SLC35F4: variants seen among roughly 807,000 people sequenced by gnomAD.
The protein encoded by SLC35F4 is chromosome 14 open reading frame 36.
In SLC35F4, 24 loss-of-function variants were observed where a neutral mutation model predicts 44.2. The ratio of observed to expected loss-of-function variants is 0.54; its 90% CI spans 0.39 to 0.76. SLC35F4 has a LOEUF of 0.76. SLC35F4 is among the 30% of genes least tolerant of loss of function. The pLI, the probability that SLC35F4 is intolerant of heterozygous loss-of-function variation, is 0.00. For synonymous variants in SLC35F4, 238 were observed against 223.6 expected (o/e 1.06, Z -0.57); for missense variants, 562 against 586.1 (o/e 0.96, Z 0.42).
At chr14:57,656,623 C>T (rs991233126) in intron 1 of SLC35F4, among the ~76,000 whole-genome samples, 1 of 152,090 alleles carries the variant, frequency 6.6e-6, no homozygotes, top group African/African-American at 2.4e-5. Context: ...AGCTCCACCT[C>T]TCACTAGCTA....
At chr14:57,631,745 T>G (rs2072787472) in intron 1 of SLC35F4, among the ~76,000 whole-genome samples, 2 of 152,152 alleles carry the variant, frequency 1.3e-5, no homozygotes, top group African/African-American at 4.8e-5. Flanking sequence ...AGTACCTGAC[T>G]AAAAATGAAG....
At chr14:57,901,871 C>T (rs557596167) in intron 1 of SLC35F4, among the ~76,000 whole-genome samples, 1 of 152,226 alleles carries the variant, frequency 6.6e-6, no homozygotes, top group South Asian at 2.1e-4. Flanking sequence ...TAACCCTAAG[C>T]CACCCAGCTG....
chr14:57,673,164 A>G (rs1041847135), intron 1 of SLC35F4, among the ~76,000 whole-genome samples: 2 of 152,140 alleles, frequency 1.3e-5, no homozygotes, highest in African/African-American at 4.8e-5. Flanking sequence ...TTTATGTAAG[A>G]CAAACCAATT....
rs577912025 is a variant in SLC35F4 at position 57,646,896 on chromosome 14, G to T, written c.104-52772C>A. Among the ~76,000 whole-genome samples the T allele has an allele frequency of 1.3e-4, 20 of 152,278 alleles. No homozygotes were observed. The East Asian group carries it at 3.9e-3, about 29-fold the overall frequency. ...CATTATGTACCCAGTAGTCATTCAG[G>T]AGCAGGTTGTTCAGTTTCCATGTAG... On this transcript the variant is annotated intron_variant, in intron 1 of 7. Coordinates refer to ENST00000556826, the MANE Select transcript of SLC35F4 (RefSeq NM_001306087.2).
intron 1 of SLC35F4, among the ~76,000 whole-genome samples, chr14:57,769,292 C>T (rs1182680876): frequency 6.6e-6 from 1 of 152,120 alleles, no homozygotes; most frequent in Non-Finnish European, 1.5e-5. Context: ...TGAGCACCCT[C>T]CTTTTCAAAA....
chr14:57,626,457 T>C (rs2072479795), intron 1 of SLC35F4, among the ~76,000 whole-genome samples: 1 of 152,158 alleles, frequency 6.6e-6, no homozygotes, highest in Non-Finnish European at 1.5e-5. Flanking sequence ...GTATGTGCTC[T>C]GATAGGAGCT....
chr14:57,569,956 T>C lies in SLC35F4; in HGVS notation c.958A>G (p.Ser320Gly). 6.2e-7 allele frequency: 1 copy of C among 1,608,348 alleles called. No individual in the cohort carries two copies. ...YKVLFKMFLG[S>G]ANFGEAAHFV... Reference sequence around the variant, plus strand: ...TGTGCAGCTTCCCCAAAGTTGGCACTTCCAAGAAACATTTTAAACAAGACC... The same window carrying C: ...TGTGCAGCTTCCCCAAAGTTGGCACCTCCAAGAAACATTTTAAACAAGACC... Residue 320 changes from serine (S) to glycine (G), a missense_variant, in exon 6 of 8, where the codon AGT becomes GGT. By Grantham distance (56) the Ser-to-Gly change is moderately conservative. Coordinates refer to ENST00000556826, the MANE Select transcript of SLC35F4 (RefSeq NM_001306087.2).
intron 1 of SLC35F4, among the ~76,000 whole-genome samples, chr14:57,651,622 C>T (rs1437437990): frequency 1.3e-5 from 2 of 152,082 alleles, no homozygotes; most frequent in Non-Finnish European, 2.9e-5. Context: ...CAGTGGCCCT[C>T]CTAGAGACAG....
At chr14:57,584,433 G>A (rs1010887799) in intron 3 of SLC35F4, among the ~76,000 whole-genome samples, 2 of 152,062 alleles carry the variant, frequency 1.3e-5, no homozygotes, top group South Asian at 2.1e-4. Context: ...TGAGAGCTTC[G>A]GGAGTAACTT....
chr14:57,603,227 A>T (rs138906274), intron 1 of SLC35F4, among the ~76,000 whole-genome samples: 3,695 of 152,360 alleles, frequency 0.024, 74 homozygotes, highest in Middle Eastern at 0.054. Context: ...TGTGTGTGAT[A>T]GTCCTGATCT....
chr14:57,974,372 T>C (rs1007514767), downstream of SLC35F4, among the ~76,000 whole-genome samples: 1 of 152,170 alleles, frequency 6.6e-6, no homozygotes. Flanking sequence ...GAGCAACACA[T>C]TGACCACATT....
chr14:57,640,304 T>G (rs1417845502), intron 1 of SLC35F4, among the ~76,000 whole-genome samples: 1 of 152,014 alleles, frequency 6.6e-6, no homozygotes, highest in Admixed American at 6.6e-5. Flanking sequence ...TCCATTTCTA[T>G]CTATCTAATT....
At chr14:57,824,690 A>G (rs1883538059) in intron 1 of SLC35F4, among the ~76,000 whole-genome samples, 1 of 152,162 alleles carries the variant, frequency 6.6e-6, no homozygotes, top group African/African-American at 2.4e-5. Flanking sequence ...GGAAACACCT[A>G]TTGCAAAGGT....
chr14:57,924,589 G>A (rs1889513558), intron 1 of SLC35F4, among the ~76,000 whole-genome samples: 2 of 151,808 alleles, frequency 1.3e-5, no homozygotes, highest in Admixed American at 1.3e-4. Flanking sequence ...GCTGGGACTA[G>A]AGGTGCCTGC....
At chr14:57,630,568 T>C in intron 1 of SLC35F4, 2 of 1,033,736 alleles carry the variant, frequency 1.9e-6, no homozygotes, top group Non-Finnish European at 1.5e-6. Context: ...GCTCAAGATA[T>C]GAAAAGGAAT....
At chr14:57,885,467 T>C (rs868135251) in intron 1 of SLC35F4, among the ~76,000 whole-genome samples, 14 of 152,216 alleles carry the variant, frequency 9.2e-5, no homozygotes, top group Admixed American at 2.0e-4. Context: ...GCTTCAGTCA[T>C]ACTGGACTTT....
rs557793203 is a variant in SLC35F4, at chr14:57,852,441, C to T, written c.103+13282G>A. ...CTGCGTTCAGAGTTTTATAGTTTTCCAAAGAAATACAGGAGGCCACTAACG... is the reference window on the plus strand; with the variant it reads ...CTGCGTTCAGAGTTTTATAGTTTTCTAAAGAAATACAGGAGGCCACTAACG... On this transcript the variant is annotated intron_variant, in intron 1 of 7. Transcript: ENST00000556826. 2.0e-5 allele frequency among the ~76,000 whole-genome samples: 3 copies of T among 152,130 alleles called. 1 individual carries two copies. The highest frequency in any genetic ancestry group is 6.3e-3 in the Middle Eastern group (2 of 316).
At chr14:57,760,561 G>C (rs2077100692) in intron 1 of SLC35F4, among the ~76,000 whole-genome samples, 1 of 151,924 alleles carries the variant, frequency 6.6e-6, no homozygotes, top group African/African-American at 2.4e-5. Flanking sequence ...GGATATTTTT[G>C]TATTCCTACA....
At chr14:57,672,026 C>T (rs2074538844) in intron 1 of SLC35F4, among the ~76,000 whole-genome samples, 1 of 151,976 alleles carries the variant, frequency 6.6e-6, no homozygotes, top group South Asian at 2.1e-4. Context: ...CTAGGAAAAC[C>T]TAACTTAAGA....
Sources: allele counts gnomAD v4.1 joint callset (sites outside exome capture counted in the v4.1 genomes callset), GRCh38; gene constraint gnomAD v4.1.1; transcripts MANE v1.5; gene names NCBI Gene and HGNC (gene_info 2026-07-23, HGNC 2026-07-21).